ORC4: variants seen among roughly 807,000 people sequenced by gnomAD.
The protein encoded by ORC4 is origin recognition complex, subunit 4 homolog.
A neutral mutation model predicts 63.9 loss-of-function variants in ORC4; 55 were observed. The ratio of observed to expected loss-of-function variants is 0.86; its 90% CI spans 0.69 to 1.08. The LOEUF is 1.08. Among genes scored for constraint, ORC4 ranks in the 50% least tolerant of loss-of-function variants. The probability of loss-of-function intolerance (pLI) is 0.00; values close to 1 mark genes in which losing one functional copy is unlikely to be tolerated. For missense variants in ORC4, 511 were observed against 504.4 expected (o/e 1.01, Z -0.13); for synonymous variants, 150 against 168.5 (o/e 0.89, Z 0.85).
At chr2:147,972,889 G>A (rs1238389750) in intron 3 of ORC4, 60 bp from the exon 4 acceptor site, 1 of 1,175,120 alleles carries the variant, frequency 8.5e-7, no homozygotes, top group East Asian at 2.4e-5. Flanking sequence ...TTGTTATGTT[G>A]TAGTTTTTAA....
chr2:147,984,309 A>C (rs1691063185), intron 1 of ORC4, among the ~76,000 whole-genome samples: 1 of 152,138 alleles, frequency 6.6e-6, no homozygotes, highest in Admixed American at 6.5e-5. Context: ...AGCCACTTCA[A>C]CTTAATGAAT....
chr2:147,965,890 GGAATAAAACTAGATATC>G (rs1251020826), intron 4 of ORC4, among the ~76,000 whole-genome samples: 2 of 152,032 alleles, frequency 1.3e-5, no homozygotes, highest in Non-Finnish European at 2.9e-5. Flanking sequence ...TGGCCACAAT[GGAATAAAACTAGATATC>G]GATAATAAAA....
At chr2:148,000,093 ATAGGTCCAGGAGGTAGAATGTTTAAT>A (rs1031759446) in intron 1 of ORC4, among the ~76,000 whole-genome samples, 1 of 151,824 alleles carries the variant, frequency 6.6e-6, no homozygotes, top group African/African-American at 2.4e-5. Flanking sequence ...CAGAAAAAAA[ATAGGTCCAGGAGGTAGAATGTTTAAT>A]TAGAGTTCCA....
intron 1 of ORC4, among the ~76,000 whole-genome samples, chr2:148,012,937 T>C (rs915545263): frequency 2.6e-5 from 4 of 152,150 alleles, no homozygotes; most frequent in Non-Finnish European, 5.9e-5. Flanking sequence ...AGGCAGTCAA[T>C]ATCAGATGCT....
chr2:147,992,017 A>G (rs1268003276), intron 1 of ORC4, among the ~76,000 whole-genome samples: 3 of 152,212 alleles, frequency 2.0e-5, no homozygotes, highest in African/African-American at 7.2e-5. Context: ...TAGGCTAACA[A>G]AAGAACTAAC....
rs1689412281 is a variant in ORC4, at chr2:147,958,807, T to TA, written c.284dup (p.Leu95PhefsTer13). ...CATACTTACCATTTAAGTGAACTTGTAATACATTTTCACTCACTTCTTCTA... is the reference window on the plus strand; with the variant it reads ...CATACTTACCATTTAAGTGAACTTGTAAATACATTTTCACTCACTTCTTCTA... On this transcript the variant is annotated frameshift_variant, in exon 5 of 14. Transcript: ENST00000392857. LOFTEE classifies it high-confidence loss of function. 6.9e-7 allele frequency: 1 copy of TA among 1,459,292 alleles called. No individual in the cohort carries two copies. The allele number at this position is 1,459,292 out of a possible 1,614,324, so 90.4% of individuals were successfully genotyped here.
At chr2:147,991,254 G>T (rs190805045) in intron 1 of ORC4, among the ~76,000 whole-genome samples, 1 of 151,926 alleles carries the variant, frequency 6.6e-6, no homozygotes, top group African/African-American at 2.4e-5. Flanking sequence ...CACCATATTG[G>T]CCAGGCTGGT....
intron 13 of ORC4, among the ~76,000 whole-genome samples, chr2:147,937,543 C>T (rs1213629151): frequency 1.3e-5 from 2 of 152,168 alleles, no homozygotes; most frequent in African/African-American, 4.8e-5. Context: ...AAATACCTTA[C>T]TGTTCTTCTA....
chr2:148,002,946 A>T (rs1486169800), intron 1 of ORC4, among the ~76,000 whole-genome samples: 2 of 152,266 alleles, frequency 1.3e-5, no homozygotes, highest in East Asian at 3.8e-4. Context: ...CTGATCCCAC[A>T]GAAATACAAA....
At chr2:147,940,630 G>GAT (rs17225614) in intron 10 of ORC4, among the ~76,000 whole-genome samples, 6,361 of 149,930 alleles carry the variant, frequency 0.042, 356 homozygotes, top group African/African-American at 0.13. Context: ...TGGATATATG[G>GAT]ATATATATAT....
chr2:148,007,715 A>G (rs1044905009), intron 1 of ORC4, among the ~76,000 whole-genome samples: 3 of 152,238 alleles, frequency 2.0e-5, no homozygotes, highest in African/African-American at 7.2e-5. Context: ...ATACAGGTAC[A>G]AGAAGGTCAA....
At position 147,998,897 on chromosome 2, in the gene ORC4, A is replaced by C. The variant is rs180741878; in HGVS notation, c.-18+21736T>G. ...AAGCATGTTTAAGATCAGTGCTTTG[A>C]GCAAGATCAGGAATGAAAAGAGAGA... is the stretch of plus-strand genomic sequence containing the variant. On this transcript the variant is annotated intron_variant, in intron 1 of 13. Coordinates refer to ENST00000392857, the MANE Select transcript of ORC4 (RefSeq NM_181741.4). Among the ~76,000 whole-genome samples, 413 of 152,314 alleles carry C rather than the reference A, an allele frequency of 2.7e-3. 4 individuals carry two copies. The highest frequency in any genetic ancestry group is 9.4e-3 in the African/African-American group (392 of 41,570).
chr2:147,938,642 C>T (rs1450439868), intron 11 of ORC4: 9 of 443,142 alleles, frequency 2.0e-5, no homozygotes, highest in Admixed American at 3.7e-5. Context: ...CAAAGATTGG[C>T]GAAATATTAT....
At chr2:148,007,637 T>C (rs1419711200) in intron 1 of ORC4, among the ~76,000 whole-genome samples, 2 of 151,876 alleles carry the variant, frequency 1.3e-5, no homozygotes, top group East Asian at 1.9e-4. Flanking sequence ...CAGAAAGAGA[T>C]TGAGGTAGAA....
At chr2:148,009,310 A>G (rs1232034420) in intron 1 of ORC4, among the ~76,000 whole-genome samples, 1 of 152,172 alleles carries the variant, frequency 6.6e-6, no homozygotes, top group Non-Finnish European at 1.5e-5. Context: ...TTACCTATCA[A>G]TAATAATACT....
At chr2:147,982,645 A>G (rs1363303879) in intron 1 of ORC4, among the ~76,000 whole-genome samples, 1 of 152,206 alleles carries the variant, frequency 6.6e-6, no homozygotes, top group South Asian at 2.1e-4. Flanking sequence ...AACAACAAAC[A>G]TGCCACTATG....
intron 10 of ORC4, among the ~76,000 whole-genome samples, chr2:147,941,698 A>T (rs1218576896): frequency 6.6e-6 from 1 of 152,014 alleles, no homozygotes; most frequent in African/African-American, 2.4e-5. Flanking sequence ...AATGTAATAG[A>T]AAAATGGCAG....
intron 10 of ORC4, among the ~76,000 whole-genome samples, chr2:147,941,285 A>G (rs992338646): frequency 6.6e-6 from 1 of 152,014 alleles, no homozygotes; most frequent in African/African-American, 2.4e-5. Context: ...ATTATAAACA[A>G]GACTGCAATA....
chr2:147,938,072 A>G, intron 13 of ORC4, 74 bp downstream of exon 13: 1 of 990,820 alleles, frequency 1.0e-6, no homozygotes, highest in Non-Finnish European at 1.6e-6. Flanking sequence ...TGAAAGTGCA[A>G]TTTTAATACA....
Sources: allele counts gnomAD v4.1 joint callset (sites outside exome capture counted in the v4.1 genomes callset), GRCh38; gene constraint gnomAD v4.1.1; transcripts MANE v1.5; gene names NCBI Gene and HGNC (gene_info 2026-07-23, HGNC 2026-07-21).